TENM2: variants seen among roughly 807,000 people sequenced by gnomAD.
The protein encoded by TENM2 is teneurin transmembrane protein 2.
In TENM2, 52 loss-of-function variants were observed where a neutral mutation model predicts 245.2. The observed-to-expected ratio is 0.21, with a 90% confidence interval of 0.17 to 0.27. The LOEUF (loss-of-function observed/expected upper bound fraction) is 0.27, where lower values mean the gene tolerates loss of function less well. Ranked by LOEUF, TENM2 falls within the 10% of genes least tolerant of loss-of-function variation. The pLI is 1.00. For missense variants in TENM2, 3,046 were observed against 3,666.8 expected, an observed-to-expected ratio of 0.83 and a Z score of 4.37; for synonymous variants, 1,363 against 1,438.9, an observed-to-expected ratio of 0.95 and a Z score of 1.19.
intron 2 of TENM2, among the ~76,000 whole-genome samples, chr5:167,468,893 T>G (rs1766835553): frequency 6.6e-6 from 1 of 152,188 alleles, no homozygotes; most frequent in Admixed American, 6.5e-5. Context: ...GACACTTCTG[T>G]GATAGAAGAC....
chr5:167,425,761 C>CTGATGA (rs373687535), intron 2 of TENM2, among the ~76,000 whole-genome samples: 2 of 151,436 alleles, frequency 1.3e-5, no homozygotes, highest in Non-Finnish European at 2.9e-5. Flanking sequence ...GCTGCTGCTG[C>CTGATGA]TGATGATGAT....
intron 2 of TENM2, among the ~76,000 whole-genome samples, chr5:167,652,592 C>T (rs577268695): frequency 5.3e-4 from 16 of 30,062 alleles, no homozygotes; most frequent in Non-Finnish European, 7.1e-4. Flanking sequence ...CCCAAACCAC[C>T]AAGCAACTAG....
chr5:167,384,789 TAGA>T (rs1430966736), intron 2 of TENM2, among the ~76,000 whole-genome samples: 3 of 152,202 alleles, frequency 2.0e-5, no homozygotes, highest in African/African-American at 4.8e-5. Flanking sequence ...GTAGTCCAGG[TAGA>T]AGGACTCCAG....
intron 25 of TENM2, among the ~76,000 whole-genome samples, chr5:168,240,653 G>A (rs1230408211): frequency 6.6e-6 from 1 of 151,978 alleles, no homozygotes; most frequent in East Asian, 1.9e-4. Flanking sequence ...ACCAAAGCCT[G>A]GCATTAGCTG....
the TENM2 span, among the ~76,000 whole-genome samples, chr5:167,178,141 A>G: frequency 6.6e-6 from 1 of 152,230 alleles, no homozygotes; most frequent in Non-Finnish European, 1.5e-5. Flanking sequence ...TATTAATATA[A>G]ACTCATTACA....
chr5:167,962,664 G>T (rs1369832179), intron 4 of TENM2, among the ~76,000 whole-genome samples: 1 of 152,112 alleles, frequency 6.6e-6, no homozygotes, highest in African/African-American at 2.4e-5. Context: ...TATAATCATG[G>T]TAGAAAGGGA....
chr5:167,196,522 A>G, the TENM2 span, among the ~76,000 whole-genome samples: 1 of 150,286 alleles, frequency 6.7e-6, no homozygotes, highest in East Asian at 2.0e-4. Flanking sequence ...GTGTGTATAT[A>G]TATATGTGTG....
In TENM2 at chr5:168,106,475, A is replaced by G. The variant is rs1209210649; in HGVS notation, c.1813+8348A>G. Among the ~76,000 whole-genome samples, 3 of 152,198 alleles carry G rather than the reference A, an allele frequency of 2.0e-5. 1 individual carries two copies. The highest frequency in any genetic ancestry group is 7.2e-5 in the African/African-American group (3 of 41,452). On this transcript the variant is annotated intron_variant, in intron 9 of 28. Coordinates refer to ENST00000518659, the Ensembl canonical transcript of TENM2. ...TAGCCCTCATTTATAGACGATTATC[A>G]TCCCCTTTTATAGATGTGGAAAATG...
intron 13 of TENM2, among the ~76,000 whole-genome samples, chr5:168,172,526 G>A (rs114930768): frequency 0.011 from 1,650 of 152,240 alleles, 26 homozygotes; most frequent in African/African-American, 0.037. Flanking sequence ...CTCCCACGGC[G>A]AAAACATAGC....
At chr5:167,900,945 G>A (rs190196618) in intron 3 of TENM2, among the ~76,000 whole-genome samples, 27 of 152,106 alleles carry the variant, frequency 1.8e-4, no homozygotes, top group Admixed American at 7.2e-4. Context: ...TGCGGGGTGG[G>A]GGACAGGAAT....
chr5:167,640,868 TATATATA>T lies in TENM2; in HGVS notation c.503-235117_503-235111del, dbSNP rs1561628809. Among the ~76,000 whole-genome samples, 31 of 34,822 alleles carry T rather than the reference TATATATA, an allele frequency of 8.9e-4. No homozygotes were observed. The South Asian group carries it at 0.034, about 38-fold the overall frequency. 22.8% of individuals were successfully genotyped at this position (34,822 alleles called of 152,430 possible). A position where few individuals can be genotyped will look rare whatever the true frequency, so the allele number is the denominator to read the frequency against. On this transcript the variant is annotated intron_variant, in intron 2 of 28. Transcript: ENST00000518659. ...ATATATATATATATATCCATATATA[TATATATA>T]TATATATATATATATATATATATAT...
chr5:167,079,258 C>CATATAT, the TENM2 span, among the ~76,000 whole-genome samples: 24 of 140,724 alleles, frequency 1.7e-4, no homozygotes, highest in African/African-American at 6.5e-4. Context: ...TATATACATC[C>CATATAT]ATATATATAT....
At chr5:168,082,140 T>A (rs145154696) in intron 7 of TENM2, among the ~76,000 whole-genome samples, 1,971 of 152,308 alleles carry the variant, frequency 0.013, 40 homozygotes, top group African/African-American at 0.045. Context: ...CTTTTTACTC[T>A]TTTTTCTCTA....
At chr5:167,989,384 G>A (rs1783501894) in intron 4 of TENM2, among the ~76,000 whole-genome samples, 1 of 152,104 alleles carries the variant, frequency 6.6e-6, no homozygotes. Flanking sequence ...GTGGATAGGA[G>A]TTAGCTAGGA....
the TENM2 span, among the ~76,000 whole-genome samples, chr5:167,244,664 G>A: frequency 1.3e-5 from 2 of 152,326 alleles, no homozygotes; most frequent in South Asian, 2.1e-4. Flanking sequence ...GAAGCCCAGG[G>A]CATTCTGAGT....
intron 2 of TENM2, among the ~76,000 whole-genome samples, chr5:167,376,654 T>C (rs1162733721): frequency 6.6e-6 from 1 of 152,180 alleles, no homozygotes; most frequent in Admixed American, 6.5e-5. Flanking sequence ...GACAAGGGGA[T>C]GTGTCTTACT....
At chr5:168,103,077 T>C (rs1793951683) in intron 9 of TENM2, among the ~76,000 whole-genome samples, 1 of 140,852 alleles carries the variant, frequency 7.1e-6, no homozygotes, top group Non-Finnish European at 1.5e-5. Context: ...TTCCCCTTCC[T>C]GTGTCCATGT....
chr5:167,827,853 A>T (rs182711472), intron 2 of TENM2, among the ~76,000 whole-genome samples: 62 of 152,124 alleles, frequency 4.1e-4, no homozygotes, highest in African/African-American at 1.2e-3. Flanking sequence ...TTTCCCTTTG[A>T]ACTTACCATG....
At chr5:167,854,469 A>ATT (rs1191866391) in intron 2 of TENM2, among the ~76,000 whole-genome samples, 1 of 152,166 alleles carries the variant, frequency 6.6e-6, no homozygotes, top group African/African-American at 2.4e-5. Flanking sequence ...CTCTGCTTAG[A>ATT]TTTTTATTAA....
Sources: gnomAD v4.1 joint callset for allele counts (sites outside exome capture counted in the v4.1 genomes callset) on GRCh38, gnomAD v4.1.1 for gene constraint, MANE v1.5 for transcripts, NCBI Gene and HGNC (gene_info 2026-07-23, HGNC 2026-07-21) for gene names.